Variants in DMRT1 observed in about 807,000 individuals in gnomAD.
DMRT1 encodes doublesex and mab-3 related transcription factor 1, also known as doublesex- and mab-3-related transcription factor 1.
DMRT1 carries 7 observed loss-of-function variants against 32.3 expected under a neutral mutation model. The ratio of observed to expected loss-of-function variants is 0.22; its 90% CI spans 0.12 to 0.41. The LOEUF (loss-of-function observed/expected upper bound fraction) is 0.41. DMRT1 is among the 10% of genes least tolerant of loss of function. The pLI is 1.00. For missense variants in DMRT1, 625 were observed against 500.5 expected, an observed-to-expected ratio of 1.25 and a Z score of -2.37; for synonymous variants, 278 against 206.1, an observed-to-expected ratio of 1.35 and a Z score of -2.99.
intron 4 of DMRT1, among the ~76,000 whole-genome samples, chr9:964,080 T>C (rs550637604): frequency 6.8e-4 from 103 of 152,364 alleles, no homozygotes; most frequent in Admixed American, 1.1e-3. Flanking sequence ...ATATCCTGTT[T>C]TCTCACATCA....
chr9:910,561 G>T (rs891927925), intron 3 of DMRT1, among the ~76,000 whole-genome samples: 2 of 149,216 alleles, frequency 1.3e-5, no homozygotes, highest in African/African-American at 2.5e-5. Flanking sequence ...CATTTTTATG[G>T]TTTTTTTTTC....
chr9:860,807 C>G (rs548292045), intron 2 of DMRT1, among the ~76,000 whole-genome samples: 3 of 152,324 alleles, frequency 2.0e-5, no homozygotes, highest in Admixed American at 2.0e-4. Flanking sequence ...CCATTCTCAT[C>G]AAGATCTGGG....
rs935063809 is a variant in DMRT1 at position 954,111 on chromosome 9, C to T, written c.968-13874C>T. Among the ~76,000 whole-genome samples the T allele has an allele frequency of 2.6e-5, 4 of 152,212 alleles. No homozygotes were observed. The East Asian group carries it at 7.7e-4, about 29-fold the overall frequency. ...AGGCAGGGGACCTTAGAGGTCTGTGCAGGCATCTGGAGCAGGAGAGAGGCT... is the reference window on the plus strand; with the variant it reads ...AGGCAGGGGACCTTAGAGGTCTGTGTAGGCATCTGGAGCAGGAGAGAGGCT... On this transcript the variant is annotated intron_variant, in intron 4 of 4. Coordinates refer to ENST00000382276, the MANE Select transcript of DMRT1 (RefSeq NM_021951.3).
At chr9:918,093 A>G (rs1818240140) in intron 4 of DMRT1, among the ~76,000 whole-genome samples, 1 of 152,212 alleles carries the variant, frequency 6.6e-6, no homozygotes, top group African/African-American at 2.4e-5. Context: ...CACATTTTCT[A>G]TACTTTCTTA....
At chr9:882,128 G>C (rs979668330) in intron 2 of DMRT1, among the ~76,000 whole-genome samples, 1 of 152,220 alleles carries the variant, frequency 6.6e-6, no homozygotes, top group Non-Finnish European at 1.5e-5. Flanking sequence ...AAGCTGCAGA[G>C]AGCAGGAATC....
At position 871,255 on chromosome 9, in the gene DMRT1, T is replaced by C. The variant is rs1460664794; in HGVS notation, c.539-22657T>C. On this transcript the variant is annotated intron_variant, in intron 2 of 4. Coordinates refer to ENST00000382276, the MANE Select transcript of DMRT1 (RefSeq NM_021951.3). ...GTTGCCCAGGCTAGTCTTGAATTAT[T>C]GAGCTCGAGCAATTCTCCACCTTGG... 3.3e-5 allele frequency among the ~76,000 whole-genome samples: 5 copies of C among 151,746 alleles called. No individual in the cohort carries two copies. The East Asian group carries it at 9.7e-4, about 29-fold the overall frequency.
At position 894,089 on chromosome 9, in the gene DMRT1, C is replaced by T. The variant is rs977094811; in HGVS notation, c.716C>T (p.Ser239Phe). 21 of 1,614,152 alleles carry T rather than the reference C, an allele frequency of 1.3e-5. No homozygotes were observed. The highest frequency in any genetic ancestry group is 1.3e-5 in the African/African-American group (1 of 74,950). The change falls in exon 3 of 5, where the codon TCT (serine) becomes TTT (phenylalanine). Residue 239 changes from serine (S) to phenylalanine (F), a missense_variant. Physicochemically the swap from Ser to Phe is radical, Grantham distance 155. Around this residue, in one of 3 missense-constraint regions of DMRT1, gnomAD observed 416 missense variants for 321.6 expected, o/e 1.29. Transcript: ENST00000382276. ...TACTCCATGGCCTTGGCTGCTGATTCTGCTTCTGGGGAGGTGGGAAATCCC... is the reference window on the plus strand; with the variant it reads ...TACTCCATGGCCTTGGCTGCTGATTTTGCTTCTGGGGAGGTGGGAAATCCC... Reference protein sequence around the residue: ...PQYSMALAADSASGEVGNPLG... With the variant: ...PQYSMALAADFASGEVGNPLG...
At chr9:908,384 C>T (rs966872171) in intron 3 of DMRT1, among the ~76,000 whole-genome samples, 11 of 152,090 alleles carry the variant, frequency 7.2e-5, no homozygotes, top group African/African-American at 2.2e-4. Flanking sequence ...CTTGAGCCCA[C>T]GAGATTGAGG....
intron 4 of DMRT1, among the ~76,000 whole-genome samples, chr9:955,687 T>C (rs1280505394): frequency 6.6e-6 from 1 of 152,152 alleles, no homozygotes; most frequent in Non-Finnish European, 1.5e-5. Flanking sequence ...GGGCTGTGGG[T>C]ATGAAACCCT....
At chr9:899,991 G>C (rs1286023688) in intron 3 of DMRT1, among the ~76,000 whole-genome samples, 1 of 152,218 alleles carries the variant, frequency 6.6e-6, no homozygotes, top group Admixed American at 6.5e-5. Context: ...TTTTATGGTT[G>C]TCCATTGACG....
At chr9:940,042 A>G (rs1043200789) in intron 4 of DMRT1, among the ~76,000 whole-genome samples, 3 of 152,200 alleles carry the variant, frequency 2.0e-5, no homozygotes, top group African/African-American at 7.2e-5. Context: ...AAAGGCTATT[A>G]TCAAAAAAAC....
intron 4 of DMRT1, among the ~76,000 whole-genome samples, chr9:942,147 G>A (rs531125258): frequency 2.0e-5 from 3 of 152,118 alleles, no homozygotes; most frequent in African/African-American, 7.2e-5. Context: ...CTAGGCCTTG[G>A]TCTTTTTGGA....
intron 3 of DMRT1, 149 bp downstream of exon 3, chr9:894,344 G>C: frequency 1.2e-6 from 1 of 858,794 alleles, no homozygotes; most frequent in Non-Finnish European, 1.9e-6. Flanking sequence ...ACATATGTGT[G>C]TGTGCCATTT....
At chr9:900,561 A>T (rs12376802) in intron 3 of DMRT1, among the ~76,000 whole-genome samples, 2 of 152,134 alleles carry the variant, frequency 1.3e-5, no homozygotes, top group Non-Finnish European at 2.9e-5. Context: ...TGGGAAGACA[A>T]GGCGGAAACC....
chr9:848,997 T>C lies in DMRT1; in HGVS notation c.538+1854T>C, dbSNP rs373967512. ...GGTGGATTCAGCTGTGGGGCTGAGA[T>C]GAGAAATGGGATGTGTCACATGAGT... On this transcript the variant is annotated intron_variant, in intron 2 of 4. Transcript: ENST00000382276. Among the ~76,000 whole-genome samples, 12 of 150,284 alleles carry C rather than the reference T, an allele frequency of 8.0e-5. No individual in the cohort carries two copies. The East Asian group carries it at 1.6e-3, about 19-fold the overall frequency.
intron 2 of DMRT1, among the ~76,000 whole-genome samples, chr9:883,242 G>GC (rs1394481129): frequency 3.3e-5 from 5 of 151,714 alleles, no homozygotes; most frequent in African/African-American, 1.2e-4. Context: ...AAAAAAAGGA[G>GC]CTGACATTCC....
Position 955,080 on chromosome 9 carries a change from G to A in DMRT1, c.968-12905G>A, listed in dbSNP as rs533599027. Among the ~76,000 whole-genome samples, 9 of 152,338 alleles carry A rather than the reference G, an allele frequency of 5.9e-5. No individual in the cohort carries two copies. In the South Asian group the frequency reaches 1.0e-3, roughly 18 times the overall value. On this transcript the variant is annotated intron_variant, in intron 4 of 4. Transcript: ENST00000382276. ...GAACCCAGTTCAGCAGTTGGAGAAT[G>A]TCCGTGCTCAGGGTTGGATTAGAGA...
intron 4 of DMRT1, among the ~76,000 whole-genome samples, chr9:949,061 C>A (rs766584086): frequency 6.6e-6 from 1 of 151,780 alleles, no homozygotes; most frequent in African/African-American, 2.4e-5. Context: ...CCACTGTACT[C>A]CAGCCTGAGC....
intron 2 of DMRT1, among the ~76,000 whole-genome samples, chr9:884,577 G>C (rs900512007): frequency 6.6e-6 from 1 of 152,202 alleles, no homozygotes; most frequent in Admixed American, 6.5e-5. Flanking sequence ...TTCCAGATGT[G>C]TATTTCTTGA....
Sources: gnomAD v4.1 joint callset for allele counts (sites outside exome capture counted in the v4.1 genomes callset) on GRCh38, gnomAD v4.1.1 for gene constraint, gnomAD v4.1.1 regional missense constraint, MANE v1.5 for transcripts, NCBI Gene and HGNC (gene_info 2026-07-23, HGNC 2026-07-21) for gene names.